TYR: variants seen among roughly 807,000 people sequenced by gnomAD.
The protein encoded by TYR is LB24-AB.
Under a neutral mutation model 51.5 loss-of-function variants are expected in TYR, and 58 were observed. That is an observed-to-expected ratio of 1.13 (90% CI 0.91 to 1.40). TYR has a LOEUF of 1.40. Ranked by LOEUF, TYR falls within the 40% of genes most tolerant of loss-of-function variation. The probability of loss-of-function intolerance (pLI) is 0.00; values close to 1 mark genes in which losing one functional copy is unlikely to be tolerated. For missense variants in TYR, 732 were observed against 647.4 expected (o/e 1.13, Z -1.42); for synonymous variants, 263 against 235.2 (o/e 1.12, Z -1.08).
At chr11:89,264,735 C>CA (rs11453031) in intron 3 of TYR, among the ~76,000 whole-genome samples, 26,934 of 134,676 alleles carry the variant, frequency 0.2, 3,809 homozygotes, top group African/African-American at 0.41. Flanking sequence ...ACTATGCAGC[C>CA]AAAAAAAAAA....
chr11:89,229,411 G>T (rs7941532), intron 3 of TYR, among the ~76,000 whole-genome samples: 30,865 of 151,860 alleles, frequency 0.2, 4,522 homozygotes, highest in African/African-American at 0.41. Flanking sequence ...GCTTTTTAAA[G>T]AATCATTTTT....
Position 89,178,384 on chromosome 11 carries a change from C to G in TYR, c.431C>G (p.Thr144Ser). The G allele has an allele frequency of 6.2e-7, 1 of 1,614,150 alleles. No homozygotes were observed. Among genetic ancestry groups the G allele is most frequent in the East Asian group, 2.2e-5 (1 of 44,858 alleles). The change falls in exon 1 of 5, where the codon ACC becomes AGC. Residue 144 changes from threonine (T) to serine (S), a missense_variant. Thr to Ser is a moderately conservative substitution (Grantham distance 58, BLOSUM62 1). Transcript: ENST00000263321. The part of the protein sequence containing the change: ...FFAYLTLAKH[T>S]ISSDYVIPIG... ...GCCTACCTCACTTTAGCAAAGCATA[C>G]CATCAGCTCAGACTATGTCATCCCC... is the stretch of plus-strand genomic sequence containing the variant.
intron 3 of TYR, among the ~76,000 whole-genome samples, chr11:89,258,337 T>A (rs535248906): frequency 6.6e-6 from 1 of 151,852 alleles, no homozygotes; most frequent in African/African-American, 2.4e-5. Flanking sequence ...AAAAGAAAAT[T>A]GATTTTTTTT....
At chr11:89,293,711 AC>A (rs1944874503) in intron 4 of TYR, 1 of 164,058 alleles carries the variant, frequency 6.1e-6, no homozygotes, top group East Asian at 1.9e-4. Context: ...AAAAGCCAAG[AC>A]CCAGATATAT....
intron 3 of TYR, among the ~76,000 whole-genome samples, chr11:89,243,510 T>C (rs1944226752): frequency 6.6e-6 from 1 of 152,194 alleles, no homozygotes. Flanking sequence ...CTTAAGACAT[T>C]GTATTAGAAT....
intron 3 of TYR, among the ~76,000 whole-genome samples, chr11:89,230,587 A>G (rs1019217419): frequency 5.9e-5 from 9 of 152,080 alleles, no homozygotes; most frequent in African/African-American, 1.4e-4. Context: ...AACATGATAG[A>G]CAGACAACTT....
intron 3 of TYR, among the ~76,000 whole-genome samples, chr11:89,280,207 C>A (rs1484533019): frequency 6.6e-6 from 1 of 151,650 alleles, no homozygotes; most frequent in East Asian, 1.9e-4. Flanking sequence ...TAGAACCTGC[C>A]GTTTCTTCGA....
intron 2 of TYR, among the ~76,000 whole-genome samples, chr11:89,199,431 G>T (rs1363847337): frequency 2.6e-5 from 4 of 152,098 alleles, no homozygotes; most frequent in Admixed American, 2.0e-4. Flanking sequence ...TGAATTAAAA[G>T]GTGCAGGTAT....
chr11:89,245,201 T>C (rs1288154097), intron 3 of TYR, among the ~76,000 whole-genome samples: 1 of 152,240 alleles, frequency 6.6e-6, no homozygotes, highest in East Asian at 1.9e-4. Flanking sequence ...TAGAAATATG[T>C]GGTTGAAAGA....
intron 3 of TYR, among the ~76,000 whole-genome samples, chr11:89,235,476 G>T (rs747743051): frequency 2.6e-5 from 4 of 152,094 alleles, no homozygotes; most frequent in Non-Finnish European, 5.9e-5. Flanking sequence ...TGTACACAAT[G>T]AAATACTATT....
chr11:89,273,934 G>C (rs1020273894), intron 3 of TYR, among the ~76,000 whole-genome samples: 4 of 151,580 alleles, frequency 2.6e-5, no homozygotes, highest in Non-Finnish European at 5.9e-5. Flanking sequence ...CCTTCATATT[G>C]GATTCTGGCC....
intron 2 of TYR, among the ~76,000 whole-genome samples, chr11:89,222,258 C>A (rs1016337451): frequency 2.0e-5 from 3 of 152,144 alleles, no homozygotes; most frequent in African/African-American, 7.2e-5. Flanking sequence ...CAGTGCAACC[C>A]TGGTCACATG....
At chr11:89,241,842 A>C (rs146487077) in intron 3 of TYR, among the ~76,000 whole-genome samples, 3,111 of 148,312 alleles carry the variant, frequency 0.021, 101 homozygotes, top group African/African-American at 0.071. Context: ...TATATATTTC[A>C]TATTAATATA....
intron 3 of TYR, among the ~76,000 whole-genome samples, chr11:89,271,054 C>A (rs1000004636): frequency 5.3e-5 from 8 of 151,662 alleles, no homozygotes; most frequent in African/African-American, 1.9e-4. Context: ...CTTAAAGGGG[C>A]AAAAGATGTA....
intron 3 of TYR, among the ~76,000 whole-genome samples, chr11:89,238,690 T>A (rs1293069605): frequency 6.6e-6 from 1 of 152,158 alleles, no homozygotes; most frequent in African/African-American, 2.4e-5. Context: ...GAAGTTCTAC[T>A]TTTTGCCATG....
chr11:89,229,437 G>A (rs12793071), intron 3 of TYR, among the ~76,000 whole-genome samples: 5,974 of 151,962 alleles, frequency 0.039, 160 homozygotes, highest in Middle Eastern at 0.065. Context: ...ACTTTTTGGT[G>A]TAAATTTTTT....
At chr11:89,272,167 T>G (rs1944595745) in intron 3 of TYR, among the ~76,000 whole-genome samples, 1 of 152,080 alleles carries the variant, frequency 6.6e-6, no homozygotes, top group East Asian at 1.9e-4. Flanking sequence ...AAAGGTTTTC[T>G]ATTCATTTTG....
chr11:89,272,738 A>C (rs1944603933), intron 3 of TYR, among the ~76,000 whole-genome samples: 1 of 151,910 alleles, frequency 6.6e-6, no homozygotes, highest in African/African-American at 2.4e-5. Context: ...GTTTAGTGTA[A>C]TGGCTTTCAT....
chr11:89,237,594 C>G (rs1187697984), intron 3 of TYR, among the ~76,000 whole-genome samples: 1 of 152,070 alleles, frequency 6.6e-6, no homozygotes, highest in Non-Finnish European at 1.5e-5. Flanking sequence ...ATTACTACAG[C>G]TTTGTAGTAT....
Sources: allele counts gnomAD v4.1 joint callset (sites outside exome capture counted in the v4.1 genomes callset), GRCh38; gene constraint gnomAD v4.1.1; transcripts MANE v1.5; gene names NCBI Gene and HGNC (gene_info 2026-07-23, HGNC 2026-07-21).